Variants in SYNE1 observed in about 807,000 individuals in gnomAD.
SYNE1 encodes nesprin-1.
A neutral mutation model predicts 1,111.0 loss-of-function variants in SYNE1; 616 were observed. The ratio of observed to expected loss-of-function variants is 0.55; its 90% CI spans 0.52 to 0.59. The LOEUF (loss-of-function observed/expected upper bound fraction) is 0.59. Ranked by LOEUF, SYNE1 falls within the 20% of genes least tolerant of loss-of-function variation. SYNE1 has a pLI of 0.00. For synonymous variants in SYNE1, 3,855 were observed against 3,825.8 expected (o/e 1.01, Z -0.28); for missense variants, 10,006 against 10,417.0 (o/e 0.96, Z 1.72).
At chr6:152,195,454 T>C (rs80331650) in intron 127 of SYNE1, among the ~76,000 whole-genome samples, 13,456 of 152,196 alleles carry the variant, frequency 0.088, 719 homozygotes, top group African/African-American at 0.15. Context: ...TCCAGGTATT[T>C]GAAGGGACCT....
In SYNE1 at chr6:152,164,262, C is replaced by T; in HGVS notation, c.23691G>A (p.Leu7897=). Residue 7897 remains leucine, a synonymous_variant, in exon 131 of 146, where the codon CTG becomes CTA. Coordinates refer to ENST00000367255, the MANE Select transcript of SYNE1 (RefSeq NM_182961.4). The part of the protein sequence containing the change: ...VQQLDKNMSS[L]RTWLAHIESE... ...ACTCGATGTGAGCGAGCCAGGTCCT[C>T]AGGCTGCTCATGTTCTTATCAAGCT... 2.5e-6 allele frequency: 4 copies of T among 1,614,184 alleles called. No homozygotes were observed. The highest frequency in any genetic ancestry group is 3.4e-6 in the Non-Finnish European group (4 of 1,180,042).
At position 152,390,394 on chromosome 6, in the gene SYNE1, C is replaced by T. The variant is rs776450866; in HGVS notation, c.8063G>A (p.Gly2688Glu). The T allele has an allele frequency of 1.2e-6, 2 of 1,614,126 alleles. No homozygotes were observed. The highest frequency in any genetic ancestry group is 2.7e-5 in the African/African-American group (2 of 75,048). ...GTTGCTACTTCTCAAGGCCTGTTCC[C>T]CCTTGCCAATGGCCATATTCAACTT... is the stretch of plus-strand genomic sequence containing the variant. The part of the protein sequence containing the change: ...EVKLNMAIGK[G>E]EQALRSSNKE... The change falls in exon 53 of 146, where the codon GGG becomes GAG. Residue 2688 changes from glycine to glutamate, a missense_variant. Coordinates refer to ENST00000367255, the MANE Select transcript of SYNE1 (RefSeq NM_182961.4).
chr6:152,416,899 A>T lies in SYNE1; in HGVS notation c.5538T>A (p.Ala1846=). 1.9e-6 allele frequency: 3 copies of T among 1,614,052 alleles called. No individual in the cohort carries two copies. The highest frequency in any genetic ancestry group is 1.7e-6 in the Non-Finnish European group (2 of 1,179,958). The change falls in exon 41 of 146, where the codon GCT becomes GCA. Residue 1846 remains alanine (A), a synonymous_variant. Coordinates refer to ENST00000367255, the MANE Select transcript of SYNE1 (RefSeq NM_182961.4). The part of the protein sequence containing the change: ...AEDLHLLQGK[A]EDCFQLFEEA... ...CCTCAAACAGCTGGAAGCAGTCCTCAGCCTTTCCCTGCAGGAGGTGGAGGT... is the reference window on the plus strand; with the variant it reads ...CCTCAAACAGCTGGAAGCAGTCCTCTGCCTTTCCCTGCAGGAGGTGGAGGT...
chr6:152,447,907 C>A (rs1434737444), intron 28 of SYNE1, among the ~76,000 whole-genome samples: 1 of 152,162 alleles, frequency 6.6e-6, no homozygotes, highest in East Asian at 1.9e-4. Context: ...TCTAAAAATA[C>A]TGTAGAAAAA....
In SYNE1 at chr6:152,612,337, TACAA is replaced by T. The variant is rs538009577; in HGVS notation, c.67+15924_67+15927del. 1.8e-3 allele frequency among the ~76,000 whole-genome samples: 280 copies of T among 151,940 alleles called. 1 individual carries two copies. The highest frequency in any genetic ancestry group is 6.4e-3 in the African/African-American group (265 of 41,396). ...GATATCACCACAGATCCCACAGAAA[TACAA>T]ACTATAATCAGAGAATACTATAAAC... On this transcript the variant is annotated intron_variant, in intron 3 of 145. Transcript: ENST00000367255.
intron 9 of SYNE1, among the ~76,000 whole-genome samples, chr6:152,504,306 C>T (rs1176985225): frequency 6.6e-6 from 1 of 152,070 alleles, no homozygotes; most frequent in Non-Finnish European, 1.5e-5. Context: ...TCCATGGGGC[C>T]CTTCATCTCA....
At chr6:152,427,849 T>G (rs1304835758) in intron 37 of SYNE1, 33 bp from the exon 38 acceptor site, 2 of 1,613,600 alleles carry the variant, frequency 1.2e-6, no homozygotes, top group Non-Finnish European at 1.7e-6. Flanking sequence ...ACAAATTTAT[T>G]GAAAATTATC....
At chr6:152,302,280 G>T (rs2095217859) in intron 91 of SYNE1, 2 of 627,694 alleles carry the variant, frequency 3.2e-6, no homozygotes, top group Non-Finnish European at 5.6e-6. Context: ...GCCCGAGCCC[G>T]CGTCCCCGCG....
chr6:152,250,895 C>T (rs1238684174), intron 104 of SYNE1, among the ~76,000 whole-genome samples: 1 of 152,148 alleles, frequency 6.6e-6, no homozygotes, highest in African/African-American at 2.4e-5. Flanking sequence ...TATAACATAA[C>T]ATGGGTTAGA....
intron 9 of SYNE1, among the ~76,000 whole-genome samples, chr6:152,503,046 C>T (rs759931989): frequency 3.9e-5 from 6 of 152,080 alleles, no homozygotes; most frequent in Non-Finnish European, 7.4e-5. Flanking sequence ...GGGTGAGATA[C>T]GGTATGATTC....
In SYNE1 at chr6:152,302,022, A is replaced by G. The variant is rs759055625; in HGVS notation, c.17388T>C (p.Ala5796=). Reference sequence around the variant, plus strand: ...GCATCTTGCACTTGGAATTCAAAGAAGCGATCTGCTCCTGGTAGCCCTTAA... The same window carrying G: ...GCATCTTGCACTTGGAATTCAAAGAGGCGATCTGCTCCTGGTAGCCCTTAA... ...QKIKGYQEQI[A]SLNSKCKMLT... Residue 5796 remains alanine (A), a synonymous_variant, in exon 92 of 146, where the codon GCT becomes GCC. Transcript: ENST00000367255. 1.2e-6 allele frequency: 2 copies of G among 1,614,252 alleles called. No individual in the cohort carries two copies. The highest frequency in any genetic ancestry group is 1.1e-5 in the South Asian group (1 of 91,092).
intron 51 of SYNE1, among the ~76,000 whole-genome samples, chr6:152,393,005 A>G (rs560582628): frequency 6.6e-6 from 1 of 152,286 alleles, no homozygotes; most frequent in South Asian, 2.1e-4. Flanking sequence ...CCCGTGGAGA[A>G]CCTGAATGAG....
chr6:152,141,137 G>A (rs2058455377), intron 139 of SYNE1, 66 bp downstream of exon 139: 5 of 1,609,678 alleles, frequency 3.1e-6, no homozygotes, highest in East Asian at 2.2e-5. Context: ...GTGGAATTTC[G>A]CTGTTAACAA....
chr6:152,504,330 T>C (rs1435444414), intron 9 of SYNE1, among the ~76,000 whole-genome samples: 1 of 152,130 alleles, frequency 6.6e-6, no homozygotes, highest in Non-Finnish European at 1.5e-5. Context: ...GAAACCTAAC[T>C]GGGTCTCTGT....
chr6:152,122,235 T>G lies in SYNE1; in HGVS notation c.*201A>C. 1 of 769,136 alleles carries G rather than the reference T, an allele frequency of 1.3e-6. No individual in the cohort carries two copies. The highest frequency in any genetic ancestry group is 2.4e-5 in the Admixed American group (1 of 41,936). 47.6% of individuals were successfully genotyped at this position (769,136 alleles called of 1,614,324 possible). A position where few individuals can be genotyped will look rare whatever the true frequency, so the allele number is the denominator to read the frequency against. Reference sequence around the variant, plus strand: ...AAACCAGATTTCTTCCAAACCTTCTTGTTGTCTGTTTGTTCCCCCGTCACT... The same window carrying G: ...AAACCAGATTTCTTCCAAACCTTCTGGTTGTCTGTTTGTTCCCCCGTCACT... On this transcript the variant is annotated 3_prime_UTR_variant, in exon 146 of 146. Transcript: ENST00000367255.
At chr6:152,359,597 C>A in intron 64 of SYNE1, 139 bp from the exon 65 acceptor site, 1 of 1,035,674 alleles carries the variant, frequency 9.7e-7, no homozygotes. Context: ...ATCATTTTAT[C>A]TATTTGACAC....
At chr6:152,233,392 A>C (rs2083239284) in intron 112 of SYNE1, among the ~76,000 whole-genome samples, 1 of 151,336 alleles carries the variant, frequency 6.6e-6, no homozygotes, top group Non-Finnish European at 1.5e-5. Flanking sequence ...CAGTGGCGCG[A>C]TCTCGGCTCA....
chr6:152,552,138 G>T lies in SYNE1; in HGVS notation c.68-12117C>A, dbSNP rs552438941. On this transcript the variant is annotated intron_variant, in intron 3 of 145. Coordinates refer to ENST00000367255, the MANE Select transcript of SYNE1 (RefSeq NM_182961.4). ...ATTGTTTGGTGTGGAATGGGGAAAA[G>T]GGGGGAGAAAAGCTGGTCACAGTGT... Among the ~76,000 whole-genome samples the T allele has an allele frequency of 1.8e-4, 28 of 152,238 alleles. No individual in the cohort carries two copies. In the South Asian group the frequency reaches 5.6e-3, roughly 30 times the overall value.
chr6:152,145,822 C>T (rs996255180), intron 137 of SYNE1: 61 of 400,958 alleles, frequency 1.5e-4, no homozygotes, highest in African/African-American at 1.0e-3. Context: ...GTCAGGAATT[C>T]GAGACCAGCC....
Sources: gnomAD v4.1 joint callset for allele counts (sites outside exome capture counted in the v4.1 genomes callset) on GRCh38, gnomAD v4.1.1 for gene constraint, MANE v1.5 for transcripts, NCBI Gene and HGNC (gene_info 2026-07-23, HGNC 2026-07-21) for gene names.